Variants in WDR72 observed in about 807,000 individuals in gnomAD.
The protein encoded by WDR72 is WD repeat-containing protein 72.
WDR72 carries 120 observed loss-of-function variants against 124.2 expected under a neutral mutation model. The ratio of observed to expected loss-of-function variants is 0.97; its 90% confidence interval spans 0.83 to 1.12. The LOEUF is 1.12. Among genes scored for constraint, WDR72 ranks in the 50% most tolerant of loss-of-function variants. The pLI is 0.00. For missense variants in WDR72, 1,387 were observed against 1,278.8 expected, an observed-to-expected ratio of 1.08 and a Z score of -1.29; for synonymous variants, 452 against 441.7, an observed-to-expected ratio of 1.02 and a Z score of -0.29.
Position 53,613,733 on chromosome 15 carries a change from A to G in WDR72, c.2805T>C (p.His935=). The change falls in exon 16 of 20, where the codon CAT becomes CAC. Residue 935 remains histidine, a synonymous_variant. Coordinates refer to ENST00000360509, the MANE Select transcript of WDR72 (RefSeq NM_182758.4). ...CATTCCCAGCACCTCTCATCTTATT[A>G]TGTATACTTTCCATTCTGAAAGAAC... ...VGSSFRMESI[H]NKMRGAGNDI... 5.0e-6 allele frequency: 8 copies of G among 1,608,760 alleles called. No individual in the cohort carries two copies. Among genetic ancestry groups the G allele is most frequent in the Non-Finnish European group, 6.8e-6 (8 of 1,176,274 alleles).
intron 16 of WDR72, among the ~76,000 whole-genome samples, chr15:53,612,940 GT>G: frequency 6.6e-6 from 1 of 151,860 alleles, no homozygotes; most frequent in South Asian, 2.1e-4. Context: ...GGAGTTGCTG[GT>G]GTAGGGGGTG....
chr15:53,701,487 G>C (rs993936065), intron 12 of WDR72, among the ~76,000 whole-genome samples: 17 of 150,704 alleles, frequency 1.1e-4, no homozygotes, highest in Non-Finnish European at 2.5e-4. Context: ...GCTGCAGTGA[G>C]CCATGATCAC....
At chr15:53,623,500 CAT>C (rs767531908) in intron 14 of WDR72, among the ~76,000 whole-genome samples, 81 of 142,904 alleles carry the variant, frequency 5.7e-4, no homozygotes, top group African/African-American at 2.2e-3. Context: ...TATATACACA[CAT>C]ACACATACAC....
intron 13 of WDR72, among the ~76,000 whole-genome samples, chr15:53,681,478 G>A (rs892883162): frequency 2.0e-5 from 3 of 152,202 alleles, no homozygotes; most frequent in East Asian, 3.9e-4. Flanking sequence ...GCAGATACCA[G>A]ATACATAACA....
chr15:53,644,848 T>G (rs1216520581), intron 14 of WDR72, among the ~76,000 whole-genome samples: 1 of 152,068 alleles, frequency 6.6e-6, no homozygotes, highest in African/African-American at 2.4e-5. Context: ...GGAGCTGAGC[T>G]TACAATAGAG....
At chr15:53,665,800 G>C in intron 13 of WDR72, 32 bp from the exon 14 acceptor site, 1 of 1,597,292 alleles carries the variant, frequency 6.3e-7, no homozygotes, top group Non-Finnish European at 8.6e-7. Flanking sequence ...AAAAATGTCA[G>C]GAAAATATTT....
intron 18 of WDR72, among the ~76,000 whole-genome samples, chr15:53,596,779 C>G (rs2012795197): frequency 6.6e-6 from 1 of 152,116 alleles, no homozygotes; most frequent in East Asian, 1.9e-4. Flanking sequence ...AAACAGGGCA[C>G]TTGGCTCAGC....
At chr15:53,753,912 C>T (rs369811490) in intron 1 of WDR72, among the ~76,000 whole-genome samples, 3 of 152,174 alleles carry the variant, frequency 2.0e-5, no homozygotes, top group Admixed American at 6.5e-5. Flanking sequence ...GCTACGACTA[C>T]ATCCCTAGGG....
chr15:53,632,487 G>A lies in WDR72; in HGVS notation c.1963-16244C>T, dbSNP rs149082271. The stretch of plus-strand genomic sequence containing the variant: ...AGAGCACTGCAGAGGGGAAATGGGG[G>A]GTTGAAGCCCCTACATCTAGTCCCC... On this transcript the variant is annotated intron_variant, in intron 14 of 19. Coordinates refer to ENST00000360509, the MANE Select transcript of WDR72 (RefSeq NM_182758.4). 2.0e-4 allele frequency among the ~76,000 whole-genome samples: 31 copies of A among 152,200 alleles called. No individual in the cohort carries two copies. In the East Asian group the frequency reaches 6.0e-3, roughly 30 times the overall value.
At position 53,538,323 on chromosome 15, in the gene WDR72, T is replaced by C. The variant is rs77306586; in HGVS notation, c.3149-15001A>G. Among the ~76,000 whole-genome samples, 366 of 152,304 alleles carry C rather than the reference T, an allele frequency of 2.4e-3. 1 individual carries two copies. The highest frequency in any genetic ancestry group is 8.5e-3 in the African/African-American group (352 of 41,582). On this transcript the variant is annotated intron_variant, in intron 18 of 19. Coordinates refer to ENST00000360509, the MANE Select transcript of WDR72 (RefSeq NM_182758.4). ...CAAAGTAAGAACAGGTCTTGCACCATCACTTGTGCATGGTTCTTGATTGCT... is the reference window on the plus strand; with the variant it reads ...CAAAGTAAGAACAGGTCTTGCACCACCACTTGTGCATGGTTCTTGATTGCT...
intron 14 of WDR72, among the ~76,000 whole-genome samples, chr15:53,654,019 T>C (rs768971531): frequency 2.0e-5 from 3 of 152,170 alleles, no homozygotes; most frequent in Non-Finnish European, 4.4e-5. Context: ...AAATTACCAG[T>C]GGATAGTAAA....
At chr15:53,691,535 A>T (rs1220003728) in intron 13 of WDR72, among the ~76,000 whole-genome samples, 1 of 152,196 alleles carries the variant, frequency 6.6e-6, no homozygotes, top group Non-Finnish European at 1.5e-5. Flanking sequence ...AATTTTGTAA[A>T]CTTCATCTAT....
At chr15:53,748,090 G>A (rs1277973161) in intron 1 of WDR72, among the ~76,000 whole-genome samples, 1 of 151,820 alleles carries the variant, frequency 6.6e-6, no homozygotes, top group Non-Finnish European at 1.5e-5. Flanking sequence ...AATATAGCCA[G>A]GTGGTGGGTT....
chr15:53,665,576 C>T lies in WDR72; in HGVS notation c.1958G>A (p.Cys653Tyr), dbSNP rs1567013774. The part of the protein sequence containing the change: ...PCPGLQVESS[C>Y]KVTDAKFCPR... ...AACAGCTTGATTTGAACTTACCTTA[C>T]ATGAAGACTCCACCTGCAGACCAGG... Residue 653 changes from cysteine to tyrosine, a missense_variant, in exon 14 of 20, where the codon TGT (cysteine) becomes TAT (tyrosine). Physicochemically the swap from Cys to Tyr is radical, Grantham distance 194 (BLOSUM62 -2). Transcript: ENST00000360509. The T allele has an allele frequency of 3.1e-6, 5 of 1,613,780 alleles. No homozygotes were observed. The highest frequency in any genetic ancestry group is 3.3e-4 in the Middle Eastern group (2 of 6,056).
At chr15:53,625,083 T>C (rs1336924988) in intron 14 of WDR72, among the ~76,000 whole-genome samples, 4 of 152,230 alleles carry the variant, frequency 2.6e-5, no homozygotes, top group African/African-American at 4.8e-5. Flanking sequence ...CAAATATAAT[T>C]ATGTTAATTT....
chr15:53,586,790 G>A (rs149246120), intron 18 of WDR72, among the ~76,000 whole-genome samples: 302 of 152,144 alleles, frequency 2.0e-3, no homozygotes, highest in African/African-American at 7.1e-3. Context: ...TACATGGACT[G>A]GGAAGTGCTA....
At chr15:53,640,750 G>A (rs75077260) in intron 14 of WDR72, among the ~76,000 whole-genome samples, 1 of 152,044 alleles carries the variant, frequency 6.6e-6, no homozygotes, top group Non-Finnish European at 1.5e-5. Flanking sequence ...AATAGGAAAT[G>A]TGCATTGTGG....
rs775373500 is a variant in WDR72 at position 53,597,247 on chromosome 15, A to G, written c.2980T>C (p.Leu994=). The G allele has an allele frequency of 1.9e-6, 3 of 1,613,710 alleles. No homozygotes were observed. Among genetic ancestry groups the G allele is most frequent in the African/African-American group, 2.7e-5 (2 of 74,916 alleles). Residue 994 remains leucine, a synonymous_variant, in exon 18 of 20, where the codon TTG becomes CTG. Coordinates refer to ENST00000360509, the MANE Select transcript of WDR72 (RefSeq NM_182758.4). ...QVTEAIQAVL[L]AEVQQHMKSL... is the part of the protein sequence containing the mutation. The stretch of plus-strand genomic sequence containing the variant: ...TTCATGTGTTGTTGAACTTCCGCCA[A>G]GAGAACAGCTTGTATTGCTTCAGTT...
At chr15:53,527,394 T>C (rs1384991777) in intron 18 of WDR72, among the ~76,000 whole-genome samples, 1 of 151,916 alleles carries the variant, frequency 6.6e-6, no homozygotes, top group Non-Finnish European at 1.5e-5. Context: ...CCCAGAAACA[T>C]TTCCACATCC....
Sources: gnomAD v4.1 joint callset for allele counts (sites outside exome capture counted in the v4.1 genomes callset) on GRCh38, gnomAD v4.1.1 for gene constraint, MANE v1.5 for transcripts, NCBI Gene and HGNC (gene_info 2026-07-23, HGNC 2026-07-21) for gene names.